The following LINGO2 variants were observed in gnomAD, a reference collection of about 807,000 sequenced individuals.
The protein encoded by LINGO2 is leucine rich repeat and Ig domain containing 2.
LINGO2 carries 14 observed loss-of-function variants against 30.6 expected under a neutral mutation model. The observed-to-expected ratio is 0.46, with a 90% CI of 0.30 to 0.72. The LOEUF (loss-of-function observed/expected upper bound fraction) is 0.72. LINGO2 is among the 30% of genes least tolerant of loss of function. LINGO2 has a pLI of 0.07. For synonymous variants in LINGO2, 317 were observed against 288.5 expected (o/e 1.10, Z -1.00); for missense variants, 729 against 751.7 (o/e 0.97, Z 0.35).
At chr9:29,118,460 T>C in the LINGO2 span, among the ~76,000 whole-genome samples, 270 of 152,254 alleles carry the variant, frequency 1.8e-3, 1 homozygote, top group African/African-American at 6.2e-3. Context: ...CCAGTTCATA[T>C]CGCCCCCACA....
At chr9:28,661,754 C>T (rs1254334496) in intron 1 of LINGO2, among the ~76,000 whole-genome samples, 1 of 152,018 alleles carries the variant, frequency 6.6e-6, no homozygotes, top group Non-Finnish European at 1.5e-5. Flanking sequence ...GATAGAGTTT[C>T]TTAAGGATAA....
In LINGO2 at chr9:28,488,898, A is replaced by G. The variant is rs77682498; in HGVS notation, c.-364-12873T>C. Among the ~76,000 whole-genome samples, 1,450 of 152,316 alleles carry G rather than the reference A, an allele frequency of 9.5e-3. 23 individuals are homozygous for G. Among genetic ancestry groups the G allele is most frequent in the African/African-American group, 0.033 (1,366 of 41,576 alleles). On this transcript the variant is annotated intron_variant, in intron 1 of 5. Transcript: ENST00000379992. ...GTGTGATGGTGAATAAGGCTGGATA[A>G]ATATTGGTCTATAAATGTTCGACCA...
chr9:28,418,518 C>G (rs925053218), intron 2 of LINGO2, among the ~76,000 whole-genome samples: 3 of 152,010 alleles, frequency 2.0e-5, no homozygotes, highest in African/African-American at 7.2e-5. Flanking sequence ...ATCTCGTGAT[C>G]TGCCCGCCTG....
the LINGO2 span, among the ~76,000 whole-genome samples, chr9:29,076,002 C>T: frequency 1.3e-5 from 2 of 152,126 alleles, no homozygotes; most frequent in African/African-American, 4.8e-5. Context: ...ATCCTCCCAC[C>T]ACAGCCTCTC....
chr9:28,765,399 T>C, the LINGO2 span, among the ~76,000 whole-genome samples: 1 of 152,112 alleles, frequency 6.6e-6, no homozygotes, highest in Non-Finnish European at 1.5e-5. Context: ...TTGGATATGG[T>C]TGTCCACACC....
the LINGO2 span, among the ~76,000 whole-genome samples, chr9:28,964,570 C>A: frequency 3.6e-4 from 55 of 151,878 alleles, no homozygotes; most frequent in Non-Finnish European, 3.4e-4. Context: ...AAACCACCGA[C>A]GAGTTACAAA....
intron 1 of LINGO2, among the ~76,000 whole-genome samples, chr9:28,517,173 C>CT (rs1047606189): frequency 1.2e-4 from 18 of 152,080 alleles, no homozygotes; most frequent in Admixed American, 3.3e-4. Flanking sequence ...AAAGGTCTTT[C>CT]TTACAGACAA....
chr9:28,871,023 CCTT>C, the LINGO2 span, among the ~76,000 whole-genome samples: 1 of 151,758 alleles, frequency 6.6e-6, no homozygotes, highest in Admixed American at 6.6e-5. Flanking sequence ...TAAAAATTCT[CCTT>C]CTAGACATCT....
At chr9:28,957,375 G>A in the LINGO2 span, among the ~76,000 whole-genome samples, 1 of 152,114 alleles carries the variant, frequency 6.6e-6, no homozygotes, top group South Asian at 2.1e-4. Flanking sequence ...CATGAAATTT[G>A]GCAGAATTAG....
At chr9:28,959,402 C>A in the LINGO2 span, among the ~76,000 whole-genome samples, 1 of 150,692 alleles carries the variant, frequency 6.6e-6, no homozygotes, top group South Asian at 2.1e-4. Context: ...TTATAATAAC[C>A]CAAATAATAA....
chr9:27,963,593 G>T lies in LINGO2; in HGVS notation c.-35-12887C>A, dbSNP rs114452450. Among the ~76,000 whole-genome samples, 523 of 152,104 alleles carry T rather than the reference G, an allele frequency of 3.4e-3. 6 individuals carry two copies. The highest frequency in any genetic ancestry group is 0.012 in the African/African-American group (501 of 41,508). On this transcript the variant is annotated intron_variant, in intron 5 of 5. Coordinates refer to ENST00000379992, the Ensembl canonical transcript of LINGO2. The stretch of plus-strand genomic sequence containing the variant: ...TAATTTAGTTCTCTGACTGGCAAAT[G>T]AACAAGGGCACAAAACAATAAATGG...
chr9:28,372,100 G>T (rs553827508), intron 3 of LINGO2, among the ~76,000 whole-genome samples: 1 of 152,216 alleles, frequency 6.6e-6, no homozygotes, highest in African/African-American at 2.4e-5. Context: ...GATGGATGGA[G>T]TGAAAAATTA....
chr9:28,959,905 A>C, the LINGO2 span, among the ~76,000 whole-genome samples: 1 of 152,180 alleles, frequency 6.6e-6, no homozygotes, highest in Non-Finnish European at 1.5e-5. Flanking sequence ...ATGTGGGTAA[A>C]TATAGTGTAC....
chr9:28,639,427 G>T (rs1827459162), intron 1 of LINGO2, among the ~76,000 whole-genome samples: 1 of 151,960 alleles, frequency 6.6e-6, no homozygotes, highest in African/African-American at 2.4e-5. Flanking sequence ...GGGTGTTAAA[G>T]TCTCCCATTA....
At chr9:28,418,010 C>T (rs916316302) in intron 2 of LINGO2, among the ~76,000 whole-genome samples, 1 of 152,098 alleles carries the variant, frequency 6.6e-6, no homozygotes, top group Non-Finnish European at 1.5e-5. Context: ...ACTTGAAGCA[C>T]TAAAAACTAA....
intron 5 of LINGO2, among the ~76,000 whole-genome samples, chr9:27,992,768 A>C (rs1821462222): frequency 6.6e-6 from 1 of 151,232 alleles, no homozygotes; most frequent in Non-Finnish European, 1.5e-5. Flanking sequence ...TTTTTGTAAT[A>C]AATGAAAGTT....
chr9:28,044,867 T>C (rs1349110583), intron 4 of LINGO2, among the ~76,000 whole-genome samples: 1 of 152,156 alleles, frequency 6.6e-6, no homozygotes, highest in Non-Finnish European at 1.5e-5. Context: ...TTTCCCTTTC[T>C]GTACTTAGAA....
chr9:28,666,394 AG>A (rs2136028539), intron 1 of LINGO2, among the ~76,000 whole-genome samples: 1 of 152,294 alleles, frequency 6.6e-6, no homozygotes, highest in East Asian at 1.9e-4. Context: ...ATACATGAAA[AG>A]AAGTCTGATT....
At chr9:28,656,117 G>A (rs551292866) in intron 1 of LINGO2, among the ~76,000 whole-genome samples, 1 of 152,102 alleles carries the variant, frequency 6.6e-6, no homozygotes, top group African/African-American at 2.4e-5. Flanking sequence ...AGATATCCTG[G>A]CTGACCTTCA....
Sources: allele counts gnomAD v4.1 joint callset (sites outside exome capture counted in the v4.1 genomes callset), GRCh38; gene constraint gnomAD v4.1.1; transcripts MANE v1.5; gene names NCBI Gene and HGNC (gene_info 2026-07-23, HGNC 2026-07-21).